CXCL10: variants seen among roughly 807,000 people sequenced by gnomAD.
CXCL10 encodes the protein C-X-C motif chemokine ligand 10.
CXCL10 carries 6 observed loss-of-function variants against 10.8 expected under a neutral mutation model. The ratio of observed to expected loss-of-function variants is 0.55; its 90% CI spans 0.30 to 1.09. CXCL10 has a LOEUF of 1.09. Among genes scored for constraint, CXCL10 ranks in the 50% least tolerant of loss-of-function variants. The probability of loss-of-function intolerance (pLI) is 0.06; values close to 1 mark genes in which losing one functional copy is unlikely to be tolerated. For missense variants in CXCL10, 114 were observed against 114.3 expected, an observed-to-expected ratio of 1.00 and a Z score of 0.01; for synonymous variants, 35 against 35.8, an observed-to-expected ratio of 0.98 and a Z score of 0.08.
chr4:76,022,090 G>T, intron 3 of CXCL10, 142 bp from the exon 4 acceptor site: 1 of 858,308 alleles, frequency 1.2e-6, no homozygotes, highest in Admixed American at 2.1e-5. Context: ...TATAGGGGTT[G>T]CTTTTTTCAA....
intron 2 of CXCL10, 117 bp downstream of exon 2, chr4:76,022,574 A>G: frequency 6.8e-7 from 1 of 1,474,836 alleles, no homozygotes; most frequent in Non-Finnish European, 9.3e-7. Context: ...TGTTTGCTGT[A>G]CATTAGTTTT....
chr4:76,022,576 A>C lies in CXCL10; in HGVS notation c.188+115T>G, dbSNP rs962091812. On this transcript the variant is annotated intron_variant, in intron 2 of 3. Transcript: ENST00000306602. ...CTCTGCATGTTTTTGTTTGCTGTAC[A>C]TTAGTTTTAGAATCATCACAAACCC... is the stretch of plus-strand genomic sequence containing the variant. The C allele has an allele frequency of 2.7e-6, 4 of 1,478,630 alleles. No individual in the cohort carries two copies. The Admixed American group carries it at 5.4e-5, about 20-fold the overall frequency. 91.6% of individuals were successfully genotyped at this position (1,478,630 alleles called of 1,614,324 possible).
intron 3 of CXCL10, 43 bp downstream of exon 3, chr4:76,022,323 G>A (rs201393081): frequency 4.5e-5 from 68 of 1,519,616 alleles, no homozygotes; most frequent in Non-Finnish European, 5.8e-5. Context: ...CAAGATTGCC[G>A]TTTCCTAAAG....
chr4:76,022,071 A>C, intron 3 of CXCL10, 123 bp from the exon 4 acceptor site: 1 of 961,142 alleles, frequency 1.0e-6, no homozygotes, highest in Non-Finnish European at 1.7e-6. Flanking sequence ...CTATGCATTC[A>C]TTATGGATTA....
intron 1 of CXCL10, 115 bp downstream of exon 1, chr4:76,023,256 C>T: frequency 1.3e-6 from 1 of 774,952 alleles, no homozygotes; most frequent in Non-Finnish European, 2.2e-6. Context: ...TTATTTCCCT[C>T]TTATTTATAA....
At chr4:76,022,639 A>G in intron 2 of CXCL10, 52 bp downstream of exon 2, 30 of 1,566,858 alleles carry the variant, frequency 1.9e-5, no homozygotes, top group Non-Finnish European at 2.5e-5. Flanking sequence ...CATATTTAAT[A>G]CAGTATATAA....
In CXCL10 at chr4:76,023,456, G is replaced by A; in HGVS notation, c.-25C>T. On this transcript the variant is annotated 5_prime_UTR_variant, in exon 1 of 4. Transcript: ENST00000306602. ...TGGTGCTGAGACTGGAGGTTCCTCT[G>A]CTGTAGGCTCAGAATATGTCTAAGC... 6.2e-7 allele frequency: 1 copy of A among 1,606,400 alleles called. No homozygotes were observed. The highest frequency in any genetic ancestry group is 8.5e-7 in the Non-Finnish European group (1 of 1,173,034).
chr4:76,023,426 A>T lies in CXCL10; in HGVS notation c.6T>A (p.Asn2Lys). M[N>K]QTAILICCLI... is the part of the protein sequence containing the mutation. ...GGCAGCAAATCAGAATGGCAGTTTG[A>T]TTCATGGTGCTGAGACTGGAGGTTC... Residue 2 changes from asparagine (N) to lysine (K), a missense_variant, in exon 1 of 4, where the codon AAT (asparagine) becomes AAA (lysine). By Grantham distance (94) the Asn-to-Lys change is moderately conservative. Coordinates refer to ENST00000306602, the MANE Select transcript of CXCL10 (RefSeq NM_001565.4). 4 of 1,613,944 alleles carry T rather than the reference A, an allele frequency of 2.5e-6. No homozygotes were observed. Among genetic ancestry groups the T allele is most frequent in the African/African-American group, 1.3e-5 (1 of 75,036 alleles).
intron 1 of CXCL10, 22 bp from the exon 2 acceptor site, chr4:76,022,839 A>G: frequency 6.2e-7 from 1 of 1,602,310 alleles, no homozygotes; most frequent in Non-Finnish European, 8.5e-7. Flanking sequence ...GAGGAACAGC[A>G]GAGAAGGTTA....
intron 2 of CXCL10, 67 bp from the exon 3 acceptor site, chr4:76,022,522 C>T: frequency 6.5e-7 from 1 of 1,529,798 alleles, no homozygotes; most frequent in Non-Finnish European, 9.0e-7. Context: ...ATGGCATACG[C>T]AGTTCTGAAG....
At position 76,022,399 on chromosome 4, in the gene CXCL10, A is replaced by C; in HGVS notation, c.245T>G (p.Ile82Ser). The C allele has an allele frequency of 6.2e-7, 1 of 1,613,660 alleles. No individual in the cohort carries two copies. ...KRCLNPESKA[I>S]KNLLKAVSKE... ...GCTAACTGCTTTCAGTAAATTCTTG[A>C]TGGCCTTCGATTCTGGATTCAGACA... The change falls in exon 3 of 4, where the codon ATC (isoleucine) becomes AGC (serine). Residue 82 changes from isoleucine (I) to serine (S), a missense_variant. By Grantham distance (142) the Ile-to-Ser change is moderately radical. Transcript: ENST00000306602.
Position 76,021,762 on chromosome 4 carries a change from G to A in CXCL10, c.*168C>T, listed in dbSNP as rs1732838603. 2 of 703,844 alleles carry A rather than the reference G, an allele frequency of 2.8e-6. No homozygotes were observed. Among genetic ancestry groups the A allele is most frequent in the East Asian group, 2.5e-5 (1 of 40,374 alleles). The allele number at this position is 703,844 out of a possible 1,614,324, so 43.6% of individuals were successfully genotyped here. A position where few individuals can be genotyped will look rare whatever the true frequency, so the allele number is the denominator to read the frequency against. ...ATGATGAACATTAACCTTCCTACAG[G>A]AGTAGTAGCAGCTGATTTGGTGACC... On this transcript the variant is annotated 3_prime_UTR_variant, in exon 4 of 4. Coordinates refer to ENST00000306602, the MANE Select transcript of CXCL10 (RefSeq NM_001565.4).
At position 76,021,845 on chromosome 4, in the gene CXCL10, A is replaced by C; in HGVS notation, c.*85T>G. On this transcript the variant is annotated 3_prime_UTR_variant, in exon 4 of 4. Coordinates refer to ENST00000306602, the MANE Select transcript of CXCL10 (RefSeq NM_001565.4). ...TAAGAACAATTATGGCTTGACATAT[A>C]CTCCATGTAGGGAAGTGATGGGAGA... 1 of 1,276,602 alleles carries C rather than the reference A, an allele frequency of 7.8e-7. No individual in the cohort carries two copies. The allele number at this position is 1,276,602 out of a possible 1,614,324, so 79.1% of individuals were successfully genotyped here. A position where few individuals can be genotyped will look rare whatever the true frequency, so the allele number is the denominator to read the frequency against.
chr4:76,021,333 AC>A lies in CXCL10; in HGVS notation c.*596del, dbSNP rs1254563454. The stretch of plus-strand genomic sequence containing the variant: ...ACATGTTATTCCATGTACACTGAAA[AC>A]AATATAGGAAATATATACATCTAAG... On this transcript the variant is annotated 3_prime_UTR_variant, in exon 4 of 4. Coordinates refer to ENST00000306602, the MANE Select transcript of CXCL10 (RefSeq NM_001565.4). The A allele has an allele frequency of 6.6e-6, 1 of 152,374 alleles. No individual in the cohort carries two copies. The highest frequency in any genetic ancestry group is 1.5e-5 in the Non-Finnish European group (1 of 68,152). 9.4% of individuals were successfully genotyped at this position (152,374 alleles called of 1,614,324 possible). A position where few individuals can be genotyped will look rare whatever the true frequency, so the allele number is the denominator to read the frequency against.
intron 2 of CXCL10, 111 bp downstream of exon 2, chr4:76,022,580 G>T: frequency 6.7e-7 from 1 of 1,482,724 alleles, no homozygotes; most frequent in Non-Finnish European, 9.2e-7. Flanking sequence ...CTGTACATTA[G>T]TTTTAGAATC....
rs147499398 is a variant in CXCL10, at chr4:76,021,670, A to G, written c.*260T>C. ...TGAAGCAGGGTCAGAACATCCACTAAGAACATAGCACCTCAGTAGAGCTTA... is the reference window on the plus strand; with the variant it reads ...TGAAGCAGGGTCAGAACATCCACTAGGAACATAGCACCTCAGTAGAGCTTA... On this transcript the variant is annotated 3_prime_UTR_variant, in exon 4 of 4. Transcript: ENST00000306602. 32 of 439,880 alleles carry G rather than the reference A, an allele frequency of 7.3e-5. 1 individual carries two copies. The East Asian group carries it at 1.1e-3, about 15-fold the overall frequency. 27.2% of individuals were successfully genotyped at this position (439,880 alleles called of 1,614,324 possible).
chr4:76,022,559 G>T, intron 2 of CXCL10, 104 bp from the exon 3 acceptor site: 1 of 1,476,372 alleles, frequency 6.8e-7, no homozygotes, highest in Non-Finnish European at 9.3e-7. Context: ...CACTCTGCAT[G>T]TTTTTGTTTG....
intron 2 of CXCL10, 95 bp from the exon 3 acceptor site, chr4:76,022,550 ACT>A (rs1349673603): frequency 1.3e-6 from 2 of 1,482,824 alleles, no homozygotes; most frequent in African/African-American, 2.8e-5. Flanking sequence ...TTTAAGTTTC[ACT>A]CTGCATGTTT....
At chr4:76,022,329 TAA>T in intron 3 of CXCL10, 35 bp downstream of exon 3, 1 of 1,554,138 alleles carries the variant, frequency 6.4e-7, no homozygotes, top group Non-Finnish European at 8.9e-7. Context: ...TGCCGTTTCC[TAA>T]AGAGCAATTC....
Sources: allele counts gnomAD v4.1 joint callset, GRCh38; gene constraint gnomAD v4.1.1; transcripts MANE v1.5; gene names NCBI Gene and HGNC (gene_info 2026-07-23, HGNC 2026-07-21).